The following MLLT10 variants were observed in gnomAD, a reference collection of about 807,000 sequenced individuals.
The protein encoded by MLLT10 is MLLT10 histone lysine methyltransferase DOT1L cofactor, also known as protein AF-10.
MLLT10 carries 30 observed loss-of-function variants against 129.1 expected under a neutral mutation model. The observed-to-expected ratio is 0.23, with a 90% confidence interval of 0.17 to 0.32. The LOEUF is 0.32. Ranked by LOEUF, MLLT10 falls within the 10% of genes least tolerant of loss-of-function variation. The pLI, the probability that MLLT10 is intolerant of heterozygous loss-of-function variation, is 1.00. For missense variants in MLLT10, 1,119 were observed against 1,268.3 expected (o/e 0.88, Z 1.79); for synonymous variants, 490 against 446.4 (o/e 1.10, Z -1.23).
intron 8 of MLLT10, among the ~76,000 whole-genome samples, chr10:21,629,466 G>C (rs1391829109): frequency 1.3e-5 from 2 of 152,060 alleles, no homozygotes; most frequent in Non-Finnish European, 2.9e-5. Flanking sequence ...AAGATCATTG[G>C]GGGCATGGAG....
intron 5 of MLLT10, among the ~76,000 whole-genome samples, chr10:21,608,247 C>T (rs1306606162): frequency 1.3e-5 from 2 of 151,540 alleles, no homozygotes; most frequent in African/African-American, 4.8e-5. Flanking sequence ...AGGCTCAGTG[C>T]AGTTATTGAT....
chr10:21,556,196 A>G (rs1357489292), intron 3 of MLLT10, among the ~76,000 whole-genome samples: 2 of 151,952 alleles, frequency 1.3e-5, no homozygotes, highest in African/African-American at 4.8e-5. Flanking sequence ...GGCTGGTCTC[A>G]GGGTGGTCCG....
chr10:21,639,807 T>G (rs2047809289), intron 8 of MLLT10, among the ~76,000 whole-genome samples: 1 of 152,098 alleles, frequency 6.6e-6, no homozygotes, highest in Non-Finnish European at 1.5e-5. Context: ...TGACCCACAA[T>G]CAGACAAGGT....
intron 3 of MLLT10, among the ~76,000 whole-genome samples, chr10:21,546,729 G>A (rs1191997116): frequency 6.6e-6 from 1 of 150,752 alleles, no homozygotes; most frequent in African/African-American, 2.5e-5. Flanking sequence ...CACTGTGCCT[G>A]GCTAATTTTT....
chr10:21,659,343 CCTT>C (rs1312867327), intron 9 of MLLT10, among the ~76,000 whole-genome samples: 1 of 152,012 alleles, frequency 6.6e-6, no homozygotes, highest in Non-Finnish European at 1.5e-5. Context: ...ACATTGCAAC[CCTT>C]CTTCTCTCCA....
chr10:21,605,210 C>G (rs2043941381), intron 5 of MLLT10, among the ~76,000 whole-genome samples: 1 of 152,162 alleles, frequency 6.6e-6, no homozygotes, highest in South Asian at 2.1e-4. Context: ...TCTGTCTACA[C>G]AGTTCACTGG....
chr10:21,625,144 T>C (rs1589294522), intron 8 of MLLT10: 11 of 1,108,544 alleles, frequency 9.9e-6, no homozygotes, highest in Non-Finnish European at 1.5e-5. Context: ...GGAAGCGGCA[T>C]GCGAGGAGGA....
chr10:21,625,736 GT>G (rs2046366138), intron 8 of MLLT10: 1 of 768,868 alleles, frequency 1.3e-6, no homozygotes, highest in Non-Finnish European at 2.4e-6. Context: ...CGCACTCCAT[GT>G]TGTTTACCAG....
At chr10:21,683,871 G>A (rs962658067) in intron 13 of MLLT10, among the ~76,000 whole-genome samples, 3 of 151,848 alleles carry the variant, frequency 2.0e-5, no homozygotes, top group African/African-American at 7.3e-5. Flanking sequence ...TAAAGTGTTG[G>A]GATTACAGGC....
At chr10:21,663,185 A>T (rs1327849020) in intron 9 of MLLT10, among the ~76,000 whole-genome samples, 3 of 152,158 alleles carry the variant, frequency 2.0e-5, no homozygotes, top group Admixed American at 1.3e-4. Flanking sequence ...TAAAATTCAC[A>T]AAAGTGTGAG....
intron 5 of MLLT10, among the ~76,000 whole-genome samples, chr10:21,604,892 C>G (rs192169704): frequency 1.3e-5 from 2 of 148,982 alleles, no homozygotes; most frequent in Admixed American, 6.7e-5. Context: ...CTGCTTAGTT[C>G]CTATTTTTTG....
chr10:21,650,471 A>G (rs1424383013), intron 8 of MLLT10, among the ~76,000 whole-genome samples: 6 of 152,152 alleles, frequency 3.9e-5, no homozygotes, highest in Admixed American at 2.0e-4. Context: ...AAAAAATGGC[A>G]GTATTTTGGG....
At position 21,646,967 on chromosome 10, in the gene MLLT10, T is replaced by C. The variant is rs1234959993; in HGVS notation, c.700-4706T>C. On this transcript the variant is annotated intron_variant, in intron 8 of 22. Coordinates refer to ENST00000307729, the MANE Select transcript of MLLT10 (RefSeq NM_001195626.3). ...GCCTCTCGAGTTGATGCCATTCTTT[T>C]GCCTCAGCCTCCTGAGTAGCTGGGA... 2.0e-5 allele frequency among the ~76,000 whole-genome samples: 3 copies of C among 152,112 alleles called. No individual in the cohort carries two copies. The East Asian group carries it at 5.8e-4, about 29-fold the overall frequency.
At chr10:21,660,574 C>G (rs2050077751) in intron 9 of MLLT10, among the ~76,000 whole-genome samples, 1 of 146,828 alleles carries the variant, frequency 6.8e-6, no homozygotes, top group African/African-American at 2.5e-5. Context: ...CGAGATCTCA[C>G]CACTGCACTC....
chr10:21,620,748 T>G (rs1016555105), intron 8 of MLLT10, among the ~76,000 whole-genome samples: 6 of 152,104 alleles, frequency 3.9e-5, no homozygotes, highest in Non-Finnish European at 7.4e-5. Flanking sequence ...TGGAGTGCAG[T>G]GGCTCGATCT....
chr10:21,564,648 C>T (rs1223428807), intron 3 of MLLT10: 2 of 150,856 alleles, frequency 1.3e-5, no homozygotes, highest in African/African-American at 2.4e-5. Context: ...ACAGAGTCTC[C>T]CCATCTCTAC....
At chr10:21,580,021 G>GT (rs572476982) in intron 3 of MLLT10, among the ~76,000 whole-genome samples, 2,954 of 141,510 alleles carry the variant, frequency 0.021, 47 homozygotes, top group African/African-American at 0.041. Context: ...TTTTTTCTTT[G>GT]TTTTTTTTTT....
intron 8 of MLLT10, among the ~76,000 whole-genome samples, chr10:21,640,217 TTA>T (rs1349809340): frequency 4.4e-5 from 6 of 136,148 alleles, no homozygotes; most frequent in South Asian, 2.1e-4. Context: ...TTATATTATA[TTA>T]TATATTATAT....
rs2033485495 is a variant in MLLT10 at position 21,534,650 on chromosome 10, C to T, written c.6C>T (p.Val2=). The T allele has an allele frequency of 2.5e-6, 4 of 1,607,822 alleles. No homozygotes were observed. Among genetic ancestry groups the T allele is most frequent in the South Asian group, 1.1e-5 (1 of 90,222 alleles). Residue 2 remains valine (V), a synonymous_variant, in exon 2 of 23, where the codon GTC becomes GTT. Coordinates refer to ENST00000307729, the MANE Select transcript of MLLT10 (RefSeq NM_001195626.3). Reference sequence around the variant, plus strand: ...TCCCCCCAACTCCCTCTTAGATGGTCTCTAGCGACCGGCCCGTGTCACTGG... The same window carrying T: ...TCCCCCCAACTCCCTCTTAGATGGTTTCTAGCGACCGGCCCGTGTCACTGG... M[V]SSDRPVSLED... is the part of the protein sequence containing the mutation.
Sources: gnomAD v4.1 joint callset for allele counts (sites outside exome capture counted in the v4.1 genomes callset) on GRCh38, gnomAD v4.1.1 for gene constraint, MANE v1.5 for transcripts, NCBI Gene and HGNC (gene_info 2026-07-23, HGNC 2026-07-21) for gene names.